CLPTM1: variants seen among roughly 807,000 people sequenced by gnomAD.
CLPTM1 encodes putative lipid scramblase CLPTM1.
Under a neutral mutation model 77.3 loss-of-function variants are expected in CLPTM1, and 21 were observed. That is an observed-to-expected ratio of 0.27 (90% confidence interval 0.19 to 0.39). CLPTM1 has a LOEUF of 0.39. CLPTM1 is among the 10% of genes least tolerant of loss of function. CLPTM1 has a pLI of 1.00. For missense variants in CLPTM1, 642 were observed against 921.2 expected (o/e 0.70, Z 3.92); for synonymous variants, 373 against 381.0 (o/e 0.98, Z 0.24).
chr19:44,955,309 A>T, upstream of CLPTM1: 3 of 1,292,212 alleles, frequency 2.3e-6, no homozygotes, highest in Non-Finnish European at 3.0e-6. Context: ...CGGCGGGGCT[A>T]GGAAAGCGTG....
intron 4 of CLPTM1, among the ~76,000 whole-genome samples, chr19:44,977,066 T>C (rs1970815926): frequency 6.6e-6 from 1 of 151,858 alleles, no homozygotes; most frequent in South Asian, 2.1e-4. Context: ...TGCCCTCGGG[T>C]CAGTGCTGTG....
In CLPTM1 at chr19:44,991,701, C is replaced by T. The variant is rs930803008; in HGVS notation, c.1555+328C>T. Reference sequence around the variant, plus strand: ...GGAGGATCACTTGAGCCCAGGAATTCGTGACCAGCCTGGGCAACTTGGCAA... The same window carrying T: ...GGAGGATCACTTGAGCCCAGGAATTTGTGACCAGCCTGGGCAACTTGGCAA... On this transcript the variant is annotated intron_variant, in intron 12 of 13. Transcript: ENST00000337392. This position sits in a 1 kb window ranked among gnomAD's most constrained non-coding sequence, Gnocchi z 5.4. 2.0e-5 allele frequency among the ~76,000 whole-genome samples: 3 copies of T among 151,988 alleles called. No individual in the cohort carries two copies. Among genetic ancestry groups the T allele is most frequent in the African/African-American group, 4.8e-5 (2 of 41,366 alleles).
chr19:44,965,488 C>A (rs1201016681), intron 2 of CLPTM1, among the ~76,000 whole-genome samples: 2 of 148,476 alleles, frequency 1.3e-5, no homozygotes, highest in Non-Finnish European at 3.0e-5. Context: ...CAGAGCAAGA[C>A]TGAGTCTCAA....
At position 44,987,442 on chromosome 19, in the gene CLPTM1, G is replaced by A. The variant is rs1970998482; in HGVS notation, c.1038+19G>A. On this transcript the variant is annotated intron_variant, in intron 8 of 13. Transcript: ENST00000337392. ...GGTGAAGGTGAGTGCGGCCGGTGTG[G>A]GCGGGACTTCCCGGTGCCTTCCTGG... The A allele has an allele frequency of 6.2e-7, 1 of 1,610,710 alleles. No individual in the cohort carries two copies. Among genetic ancestry groups the A allele is most frequent in the Non-Finnish European group, 8.5e-7 (1 of 1,178,788 alleles).
intron 2 of CLPTM1, among the ~76,000 whole-genome samples, chr19:44,971,538 T>C (rs1421615416): frequency 6.6e-6 from 1 of 152,124 alleles, no homozygotes; most frequent in Non-Finnish European, 1.5e-5. Context: ...TCTTTTCCTT[T>C]TCTTTTTTAA....
chr19:44,986,799 A>G, intron 7 of CLPTM1: 1 of 569,248 alleles, frequency 1.8e-6, no homozygotes, highest in Non-Finnish European at 3.0e-6. Context: ...TCGGTCCGCA[A>G]TCAAGTGCCA....
intron 1 of CLPTM1, 171 bp downstream of exon 1, chr19:44,955,638 C>A: frequency 1.7e-6 from 1 of 586,868 alleles, no homozygotes; most frequent in Non-Finnish European, 2.5e-6. Context: ...CGGACGGTGC[C>A]GGGAACAGGG....
Position 44,990,373 on chromosome 19 carries a change from C to G in CLPTM1, c.1133-22C>G. The G allele has an allele frequency of 1.9e-6, 3 of 1,608,604 alleles. No individual in the cohort carries two copies. Among genetic ancestry groups the G allele is most frequent in the Non-Finnish European group, 2.6e-6 (3 of 1,175,898 alleles). On this transcript the variant is annotated intron_variant, in intron 9 of 13. Transcript: ENST00000337392. This position sits in a 1 kb window ranked among gnomAD's most constrained non-coding sequence, Gnocchi z 4.8. ...TCAGCACCTCCTCAGCCTCCTGGTT[C>G]CCCCCTACCCCCTGCGCACAGATAT...
intron 2 of CLPTM1, among the ~76,000 whole-genome samples, chr19:44,971,340 A>G (rs906116682): frequency 2.6e-5 from 4 of 152,008 alleles, no homozygotes; most frequent in African/African-American, 9.7e-5. Context: ...AATATAAAAT[A>G]TATTGATATT....
At chr19:44,955,891 T>G in intron 1 of CLPTM1, 1 of 165,944 alleles carries the variant, frequency 6.0e-6, no homozygotes, top group Non-Finnish European at 1.3e-5. Context: ...AAGTCAGTAT[T>G]AGCAGGGCAC....
At chr19:44,954,878 G>A, upstream of CLPTM1, 1 of 1,228,348 alleles carries the variant, frequency 8.1e-7, no homozygotes, top group Non-Finnish European at 1.1e-6. Flanking sequence ...GTCTTAGGAA[G>A]AGGGGTCAGA....
At chr19:44,955,163 GCA>G, upstream of CLPTM1, 4 of 1,535,702 alleles carry the variant, frequency 2.6e-6, no homozygotes, top group South Asian at 4.8e-5. Context: ...GGAGTTCGGA[GCA>G]TACAGTGTTT....
chr19:44,987,290 C>T lies in CLPTM1; in HGVS notation c.905C>T (p.Pro302Leu). The change falls in exon 8 of 14, where the codon CCG (proline) becomes CTG (leucine). Residue 302 changes from proline (P) to leucine (L), a missense_variant. Pro to Leu is a moderately conservative substitution (Grantham distance 98). Around this residue, in one of 2 missense-constraint regions of CLPTM1, gnomAD observed 521 missense variants for 800.4 expected, o/e 0.65. Transcript: ENST00000337392. ...YPINESLASL[P>L]LRVSFCPLSL... Reference sequence around the variant, plus strand: ...ATCAACGAGAGCCTGGCCAGCCTGCCGCTCCGCGTCTCCTTCTGCCCACTC... The same window carrying T: ...ATCAACGAGAGCCTGGCCAGCCTGCTGCTCCGCGTCTCCTTCTGCCCACTC... The T allele has an allele frequency of 6.2e-7, 1 of 1,614,274 alleles. No individual in the cohort carries two copies. Among genetic ancestry groups the T allele is most frequent in the Non-Finnish European group, 8.5e-7 (1 of 1,180,052 alleles).
intron 2 of CLPTM1, among the ~76,000 whole-genome samples, chr19:44,963,600 C>T (rs1253281957): frequency 6.6e-6 from 1 of 151,808 alleles, no homozygotes; most frequent in Non-Finnish European, 1.5e-5. Context: ...GCTGCGATTA[C>T]AGGTGTGAGC....
chr19:44,974,537 G>A lies in CLPTM1; in HGVS notation c.408G>A (p.Trp136Ter). 1.2e-6 allele frequency: 2 copies of A among 1,614,218 alleles called. No individual in the cohort carries two copies. Among genetic ancestry groups the A allele is most frequent in the Non-Finnish European group, 1.7e-6 (2 of 1,180,036 alleles). Residue 136 changes from tryptophan to a stop codon, truncating the protein, a stop_gained, in exon 4 of 14, where the codon TGG (tryptophan) becomes TGA (stop). Transcript: ENST00000337392. LOFTEE classifies it high-confidence loss of function. The part of the protein sequence containing the change: ...WEQHDLVYGD[W>*]TSGENSDGCY... The stretch of plus-strand genomic sequence containing the variant: ...AGCACGATCTTGTGTATGGCGACTG[G>A]ACTAGCGGCGAGAACTCAGACGGCT...
intron 5 of CLPTM1, among the ~76,000 whole-genome samples, chr19:44,981,839 A>T (rs1309763558): frequency 6.6e-6 from 1 of 151,908 alleles, no homozygotes; most frequent in Admixed American, 6.6e-5. Flanking sequence ...CAAGCCCAGG[A>T]GGTTGAGGCT....
rs370937328 is a variant in CLPTM1, at chr19:44,984,912, C to T, written c.587-306C>T. 9.7e-4 allele frequency among the ~76,000 whole-genome samples: 147 copies of T among 152,272 alleles called. 1 individual carries two copies. Among genetic ancestry groups the T allele is most frequent in the African/African-American group, 3.4e-3 (140 of 41,572 alleles). ...CCATGCTGGCCAGGCTGGTCTCTAA[C>T]TCCTGACCTCAGGGGATCTGCCCGC... On this transcript the variant is annotated intron_variant, in intron 5 of 13. Coordinates refer to ENST00000337392, the MANE Select transcript of CLPTM1 (RefSeq NM_001294.4).
At position 44,992,826 on chromosome 19, in the gene CLPTM1, C is replaced by T. The variant is rs199856102; in HGVS notation, c.1939C>T (p.Gln647Ter). The T allele has an allele frequency of 1.2e-6, 2 of 1,613,760 alleles. No homozygotes were observed. The highest frequency in any genetic ancestry group is 4.5e-5 in the East Asian group (2 of 44,870). The change falls in exon 14 of 14, where the codon CAG (glutamine) becomes TAG (stop). Residue 647 changes from glutamine to a stop codon, truncating the protein, a stop_gained. Transcript: ENST00000337392. LOFTEE classifies it high-confidence loss of function. The surrounding 1 kb of genome is among the most constrained non-coding windows in gnomAD (Gnocchi z 7.7). ...CACGTCCCTGCCCACCAAGCCCACC[C>T]AGGGGGCCAGCTCTGCCAGCGAGCC... ...ASTSLPTKPTQGASSASEPQE... is the reference protein window; with the variant it reads ...ASTSLPTKPT
intron 2 of CLPTM1, among the ~76,000 whole-genome samples, chr19:44,963,328 ATTT>A (rs201566517): frequency 7.6e-6 from 1 of 131,464 alleles, no homozygotes; most frequent in Non-Finnish European, 1.6e-5. Context: ...TATTTTATGT[ATTT>A]TTTTTTTTTT....
Sources: gnomAD v4.1 joint callset for allele counts (sites outside exome capture counted in the v4.1 genomes callset) on GRCh38, gnomAD v4.1.1 for gene constraint, gnomAD v4.1.1 regional missense constraint, Gnocchi (gnomAD v3.1) non-coding constraint, MANE v1.5 for transcripts, NCBI Gene and HGNC (gene_info 2026-07-23, HGNC 2026-07-21) for gene names.